DNAJB2: variants seen among roughly 807,000 people sequenced by gnomAD.
DNAJB2 encodes dnaJ homolog subfamily B member 2.
Under a neutral mutation model 33.3 loss-of-function variants are expected in DNAJB2, and 19 were observed. The observed-to-expected ratio is 0.57, with a 90% CI of 0.40 to 0.84. The LOEUF is 0.84. DNAJB2 is among the 40% of genes least tolerant of loss of function. The pLI, the probability that DNAJB2 is intolerant of heterozygous loss-of-function variation, is 0.00. For synonymous variants in DNAJB2, 172 were observed against 164.6 expected (o/e 1.04, Z -0.34); for missense variants, 368 against 430.9 (o/e 0.85, Z 1.29).
intron 2 of DNAJB2, 21 bp from the exon 3 acceptor site, chr2:219,280,557 C>T (rs1033804318): frequency 6.3e-7 from 1 of 1,599,982 alleles, no homozygotes; most frequent in Non-Finnish European, 8.6e-7. Context: ...CGACTCTCTC[C>T]TCTGCACCCA....
intron 3 of DNAJB2, 46 bp downstream of exon 3, chr2:219,280,733 C>G: frequency 7.3e-7 from 1 of 1,363,158 alleles, no homozygotes; most frequent in Non-Finnish European, 1.0e-6. Context: ...CCCCCTACTT[C>G]ATGCCCCAGC....
intron 8 of DNAJB2, among the ~76,000 whole-genome samples, chr2:219,283,833 CAT>C (rs2125083305): frequency 6.6e-6 from 1 of 152,296 alleles, no homozygotes; most frequent in South Asian, 2.1e-4. Context: ...TGAGCTGCAG[CAT>C]AGTTAAATGA....
Position 219,284,849 on chromosome 2 carries a change from A to C in DNAJB2, c.837A>C (p.Ala279=). Residue 279 remains alanine (A), a synonymous_variant, in exon 9 of 9, where the codon GCA becomes GCC. Transcript: ENST00000336576. The part of the protein sequence containing the change: ...AGKKPAGGRE[A]QHRRQGRPKA... Reference sequence around the variant, plus strand: ...AGAAACCCGCAGGTGGGCGGGAGGCACAGCACCGACGGCAGGGGCGGCCCA... The same window carrying C: ...AGAAACCCGCAGGTGGGCGGGAGGCCCAGCACCGACGGCAGGGGCGGCCCA... The C allele has an allele frequency of 6.2e-7, 1 of 1,610,976 alleles. No homozygotes were observed. The highest frequency in any genetic ancestry group is 8.5e-7 in the Non-Finnish European group (1 of 1,178,532).
chr2:219,280,574 G>T lies in DNAJB2; in HGVS notation c.66-4G>T. On this transcript the variant is annotated splice_polypyrimidine_tract_variant and splice_region_variant and intron_variant, in intron 2 of 8. Transcript: ENST00000336576. ...ACTCTCTCCTCTGCACCCACTTTCT[G>T]CAGGTATCGGCGCAAGGCTCTCCAG... 1 of 1,612,798 alleles carries T rather than the reference G, an allele frequency of 6.2e-7. No individual in the cohort carries two copies. Among genetic ancestry groups the T allele is most frequent in the Admixed American group, 1.7e-5 (1 of 59,970 alleles).
intron 5 of DNAJB2, 84 bp downstream of exon 5, chr2:219,282,145 A>G: frequency 6.2e-7 from 1 of 1,611,270 alleles, no homozygotes; most frequent in South Asian, 1.1e-5. Flanking sequence ...CCTGAGGTGG[A>G]AGGCTGAGAG....
At position 219,279,759 on chromosome 2, in the gene DNAJB2, G is replaced by A; in HGVS notation, c.-36-39G>A. 1.3e-6 allele frequency: 2 copies of A among 1,558,888 alleles called. No individual in the cohort carries two copies. Among genetic ancestry groups the A allele is most frequent in the South Asian group, 1.1e-5 (1 of 89,094 alleles). On this transcript the variant is annotated intron_variant, in intron 1 of 8. Transcript: ENST00000336576. The surrounding 1 kb of genome is among the most constrained non-coding windows in gnomAD (Gnocchi z 4.9). ...GGGACTGCTGCAGCCACAGGGTGGG[G>A]CTCTTGGTTCTTTCCGCCTGACTCC...
At position 219,286,077 on chromosome 2, in the gene DNAJB2, A is replaced by G. The variant is rs1048401285; in HGVS notation, c.*1090A>G. ...CCCATGCGCTGGGAGGGGACCCTCC[A>G]TTTCTCCCCCTCACCCATGCTGAGT... is the stretch of plus-strand genomic sequence containing the variant. On this transcript the variant is annotated 3_prime_UTR_variant, in exon 9 of 9. Coordinates refer to ENST00000336576, the MANE Select transcript of DNAJB2 (RefSeq NM_006736.6). The G allele has an allele frequency of 8.6e-7, 1 of 1,166,290 alleles. No homozygotes were observed. Among genetic ancestry groups the G allele is most frequent in the African/African-American group, 2.0e-5 (1 of 49,156 alleles). 72.2% of individuals were successfully genotyped at this position (1,166,290 alleles called of 1,614,324 possible).
At position 219,286,141 on chromosome 2, in the gene DNAJB2, G is replaced by GGGGC; in HGVS notation, c.*1155_*1156insGGCG. On this transcript the variant is annotated 3_prime_UTR_variant, in exon 9 of 9. Transcript: ENST00000336576. ...CTGGGTGGCGGGTGGGGGCCGGGTG[G>GGGGC]GAGGTGGCAGTAGTCTTAGCCTGTG... 1 of 379,612 alleles carries GGGGC rather than the reference G, an allele frequency of 2.6e-6. No homozygotes were observed. Among genetic ancestry groups the GGGGC allele is most frequent in the East Asian group, 7.1e-5 (1 of 14,142 alleles). 23.5% of individuals were successfully genotyped at this position (379,612 alleles called of 1,614,324 possible). A position where few individuals can be genotyped will look rare whatever the true frequency, so the allele number is the denominator to read the frequency against.
Position 219,286,007 on chromosome 2 carries a change from C to G in DNAJB2, c.*1020C>G. On this transcript the variant is annotated 3_prime_UTR_variant, in exon 9 of 9. Transcript: ENST00000336576. ...CCCAGATGTGTTCTGAGCTGGATGC[C>G]GGGTTCCAGAATCGCTGCACAGTTC... 3.7e-6 allele frequency: 6 copies of G among 1,612,782 alleles called. No homozygotes were observed. The highest frequency in any genetic ancestry group is 1.3e-5 in the African/African-American group (1 of 75,036).
chr2:219,285,564 A>T lies in DNAJB2; in HGVS notation c.*577A>T, dbSNP rs1951947731. 9.7e-7 allele frequency: 1 copy of T among 1,031,936 alleles called. No homozygotes were observed. Among genetic ancestry groups the T allele is most frequent in the Non-Finnish European group, 1.2e-6 (1 of 859,832 alleles). The allele number at this position is 1,031,936 out of a possible 1,614,324, so 63.9% of individuals were successfully genotyped here. On this transcript the variant is annotated 3_prime_UTR_variant, in exon 9 of 9. Coordinates refer to ENST00000336576, the MANE Select transcript of DNAJB2 (RefSeq NM_006736.6). ...CCTGCGGGCCGCATCGCTTGCTTTC[A>T]CTGCCGTCTGGCTAGGACTCCCTTC...
intron 7 of DNAJB2, 22 bp from the exon 8 acceptor site, chr2:219,283,397 T>C (rs773359849): frequency 6.2e-7 from 1 of 1,613,062 alleles, no homozygotes; most frequent in South Asian, 1.1e-5. Context: ...GCTCGTTGCC[T>C]GAACTGTGCT....
Position 219,279,451 on chromosome 2 carries a change from T to A in DNAJB2, c.-104T>A. On this transcript the variant is annotated 5_prime_UTR_variant, in exon 1 of 9. Coordinates refer to ENST00000336576, the MANE Select transcript of DNAJB2 (RefSeq NM_006736.6). This position sits in a 1 kb window ranked among gnomAD's most constrained non-coding sequence, Gnocchi z 4.9. ...CAGCAGCCGCGAGCCGGGCTGCGGG[T>A]GCCAGACGGTTCCCGGCGGGGGGCA... 1 of 193,220 alleles carries A rather than the reference T, an allele frequency of 5.2e-6. No homozygotes were observed. Among genetic ancestry groups the A allele is most frequent in the Non-Finnish European group, 1.1e-5 (1 of 94,080 alleles). 12.0% of individuals were successfully genotyped at this position (193,220 alleles called of 1,614,324 possible).
In DNAJB2 at chr2:219,279,483, G is replaced by T. The variant is rs1191466258; in HGVS notation, c.-72G>T. The T allele has an allele frequency of 1.3e-5, 3 of 227,088 alleles. No homozygotes were observed. The highest frequency in any genetic ancestry group is 2.6e-5 in the Non-Finnish European group (3 of 115,048). The allele number at this position is 227,088 out of a possible 1,614,324, so 14.1% of individuals were successfully genotyped here. ...CGGTTCCCGGCGGGGGGCAGGGGCGGGGCGCCGCAGGAGGCCGGGACTCCT... is the reference window on the plus strand; with the variant it reads ...CGGTTCCCGGCGGGGGGCAGGGGCGTGGCGCCGCAGGAGGCCGGGACTCCT... On this transcript the variant is annotated 5_prime_UTR_variant, in exon 1 of 9. Coordinates refer to ENST00000336576, the MANE Select transcript of DNAJB2 (RefSeq NM_006736.6). This position sits in a 1 kb window ranked among gnomAD's most constrained non-coding sequence, Gnocchi z 4.9.
Position 219,280,626 on chromosome 2 carries a change from T to G in DNAJB2, c.114T>G (p.Asn38Lys). The change falls in exon 3 of 9, where the codon AAT (asparagine) becomes AAG (lysine). Residue 38 changes from asparagine to lysine, a missense_variant. Physicochemically the swap from Asn to Lys is moderately conservative, Grantham distance 94 (BLOSUM62 0). Coordinates refer to ENST00000336576, the MANE Select transcript of DNAJB2 (RefSeq NM_006736.6). The stretch of plus-strand genomic sequence containing the variant: ...GGCACCCAGACAAAAACCCAGATAA[T>G]AAAGAGTTTGCTGAGAAGAAATTTA... ...LQWHPDKNPD[N>K]KEFAEKKFKE... 1 of 1,613,972 alleles carries G rather than the reference T, an allele frequency of 6.2e-7. No individual in the cohort carries two copies. The highest frequency in any genetic ancestry group is 1.3e-5 in the African/African-American group (1 of 74,980).
rs754161741 is a variant in DNAJB2, at chr2:219,284,888, A to C, written c.876A>C (p.Gln292His). 2 of 1,606,572 alleles carry C rather than the reference A, an allele frequency of 1.2e-6. No individual in the cohort carries two copies. The highest frequency in any genetic ancestry group is 1.7e-6 in the Non-Finnish European group (2 of 1,175,136). ...RRQGRPKAQH[Q>H]DPGLGGTQEG... ...AGGGGCGGCCCAAGGCCCAGCACCA[A>C]GATCCAGGCTTGGGGGGGACCCAGG... The change falls in exon 9 of 9, where the codon CAA becomes CAC. Residue 292 changes from glutamine (Q) to histidine (H), a missense_variant. Gln to His is a conservative substitution (Grantham distance 24, BLOSUM62 0). Coordinates refer to ENST00000336576, the MANE Select transcript of DNAJB2 (RefSeq NM_006736.6).
At chr2:219,281,552 A>G (rs1951904072) in intron 3 of DNAJB2, 166 bp from the exon 4 acceptor site, 3 of 759,048 alleles carry the variant, frequency 4.0e-6, no homozygotes, top group Admixed American at 2.6e-5. Context: ...TGAAAGGCTG[A>G]GTTGCTGCCT....
Position 219,285,984 on chromosome 2 carries a change from C to G in DNAJB2, c.*997C>G. On this transcript the variant is annotated 3_prime_UTR_variant, in exon 9 of 9. Coordinates refer to ENST00000336576, the MANE Select transcript of DNAJB2 (RefSeq NM_006736.6). ...TGTCACCCCGCCCCTGCTCTCTCCC[C>G]AGATGTGTTCTGAGCTGGATGCCGG... is the stretch of plus-strand genomic sequence containing the variant. 3 of 1,612,820 alleles carry G rather than the reference C, an allele frequency of 1.9e-6. No homozygotes were observed. The highest frequency in any genetic ancestry group is 2.5e-6 in the Non-Finnish European group (3 of 1,179,800).
In DNAJB2 at chr2:219,279,663, A is replaced by T; in HGVS notation, c.-36-135A>T. ...CAGATAAGGCTGCCGGAGGGAGCCT[A>T]GTCACCGGCCGCAAGCAGAGCCCGG... On this transcript the variant is annotated intron_variant, in intron 1 of 8. Transcript: ENST00000336576. This position sits in a 1 kb window ranked among gnomAD's most constrained non-coding sequence, Gnocchi z 4.9. 2 of 650,792 alleles carry T rather than the reference A, an allele frequency of 3.1e-6. No individual in the cohort carries two copies. Among genetic ancestry groups the T allele is most frequent in the Non-Finnish European group, 5.2e-6 (2 of 383,170 alleles). The allele number at this position is 650,792 out of a possible 1,614,324, so 40.3% of individuals were successfully genotyped here. A position where few individuals can be genotyped will look rare whatever the true frequency, so the allele number is the denominator to read the frequency against.
In DNAJB2 at chr2:219,285,629, G is replaced by C. The variant is rs895842470; in HGVS notation, c.*642G>C. On this transcript the variant is annotated 3_prime_UTR_variant, in exon 9 of 9. Transcript: ENST00000336576. ...GAGAAGGCCTCAATGTGGCGAGGAA[G>C]ATGCTGGGGCCGGTAGGGCTGTGAG... 1.3e-5 allele frequency: 14 copies of C among 1,107,984 alleles called. No individual in the cohort carries two copies. In the African/African-American group the frequency reaches 1.9e-4, roughly 15 times the overall value. 68.6% of individuals were successfully genotyped at this position (1,107,984 alleles called of 1,614,324 possible).
Sources: gnomAD v4.1 joint callset for allele counts (sites outside exome capture counted in the v4.1 genomes callset) on GRCh38, gnomAD v4.1.1 for gene constraint, Gnocchi (gnomAD v3.1) non-coding constraint, MANE v1.5 for transcripts, NCBI Gene and HGNC (gene_info 2026-07-23, HGNC 2026-07-21) for gene names.